Variants in DDX24 observed in about 807,000 individuals in gnomAD.
DDX24 encodes DEAD-box helicase 24.
DDX24 carries 24 observed loss-of-function variants against 68.9 expected under a neutral mutation model. The ratio of observed to expected loss-of-function variants is 0.35; its 90% CI spans 0.25 to 0.49. The LOEUF is 0.49. Among genes scored for constraint, DDX24 ranks in the 20% least tolerant of loss-of-function variants. The pLI is 0.99. For missense variants in DDX24, 989 were observed against 1,039.0 expected (o/e 0.95, Z 0.66); for synonymous variants, 395 against 385.2 (o/e 1.03, Z -0.30).
chr14:94,079,385 C>A lies in DDX24; in HGVS notation c.358G>T (p.Val120Leu). 6.2e-7 allele frequency: 1 copy of A among 1,614,036 alleles called. No homozygotes were observed. The highest frequency in any genetic ancestry group is 8.5e-7 in the Non-Finnish European group (1 of 1,180,016). ...TGGGCCTCCAGCTCAGGATCTTTCA[C>A]TTCAAATTCTTTCTGGGTACTGGTT... ...EGTSTQKEFE[V>L]KDPELEAQGD... The change falls in exon 2 of 9, where the codon GTG becomes TTG. Residue 120 changes from valine to leucine, a missense_variant. Physicochemically the swap from Val to Leu is conservative, Grantham distance 32 (BLOSUM62 1). Transcript: ENST00000621632.
In DDX24 at chr14:94,053,007, T is replaced by C. The variant is rs770239129; in HGVS notation, c.2299A>G (p.Met767Val). ...CCGCCCAAGGGCTTACCCTTATACA[T>C]GTCTTCTTCCAGCTCAATCTCCAGG... ...AALEIELEEDMYKGGKADQQE... is the reference protein window; with the variant it reads ...AALEIELEEDVYKGGKADQQE... Residue 767 changes from methionine (M) to valine (V), a missense_variant, in exon 8 of 9, where the codon ATG (methionine) becomes GTG (valine). Transcript: ENST00000621632. The C allele has an allele frequency of 8.7e-6, 14 of 1,613,798 alleles. No homozygotes were observed. The East Asian group carries it at 3.1e-4, about 36-fold the overall frequency.
intron 8 of DDX24, among the ~76,000 whole-genome samples, chr14:94,052,715 A>G (rs1264320045): frequency 1.3e-5 from 2 of 152,226 alleles, no homozygotes; most frequent in African/African-American, 4.8e-5. Flanking sequence ...ATGAGCCGGC[A>G]TTCTAACACA....
At chr14:94,064,575 T>C (rs1885660995) in intron 2 of DDX24, among the ~76,000 whole-genome samples, 1 of 152,052 alleles carries the variant, frequency 6.6e-6, no homozygotes. Flanking sequence ...CTCCACAAAA[T>C]CTCTAAACGA....
intron 2 of DDX24, among the ~76,000 whole-genome samples, chr14:94,070,762 G>A (rs1407805342): frequency 6.6e-6 from 1 of 152,192 alleles, no homozygotes; most frequent in East Asian, 1.9e-4. Context: ...AGTGGGGAAA[G>A]GACATTGTTT....
intron 2 of DDX24, among the ~76,000 whole-genome samples, chr14:94,067,663 G>C (rs1885731278): frequency 6.6e-6 from 1 of 152,152 alleles, no homozygotes; most frequent in African/African-American, 2.4e-5. Context: ...AAGCTAGAAG[G>C]GACTGGGGCC....
In DDX24 at chr14:94,079,446, G is replaced by T. The variant is rs779934993; in HGVS notation, c.297C>A (p.Ile99=). The change falls in exon 2 of 9, where the codon ATC becomes ATA. Residue 99 remains isoleucine (I), a synonymous_variant. Coordinates refer to ENST00000621632, the MANE Select transcript of DDX24 (RefSeq NM_020414.4). The part of the protein sequence containing the change: ...EGKSSSPKKK[I]KLKKSKNVAT... ...CTACATTTTTACTTTTCTTCAACTT[G>T]ATCTTTTTCTTTGGTGAGCTAGACT... 54 of 1,613,858 alleles carry T rather than the reference G, an allele frequency of 3.3e-5. No individual in the cohort carries two copies. Among genetic ancestry groups the T allele is most frequent in the South Asian group, 7.7e-5 (7 of 91,068 alleles).
At chr14:94,070,735 A>T (rs1193998828) in intron 2 of DDX24, among the ~76,000 whole-genome samples, 1 of 152,228 alleles carries the variant, frequency 6.6e-6, no homozygotes, top group African/African-American at 2.4e-5. Flanking sequence ...TCTTCAACAA[A>T]GCAAACAAAA....
intron 2 of DDX24, among the ~76,000 whole-genome samples, chr14:94,063,571 T>A (rs776154215): frequency 6.6e-6 from 1 of 152,152 alleles, no homozygotes; most frequent in Admixed American, 6.5e-5. Flanking sequence ...AAAATGAAAA[T>A]CTGGATGTAC....
At chr14:94,063,546 T>G (rs1885638667) in intron 2 of DDX24, among the ~76,000 whole-genome samples, 1 of 152,204 alleles carries the variant, frequency 6.6e-6, no homozygotes, top group Non-Finnish European at 1.5e-5. Context: ...TTTCATGCAA[T>G]AGCAAAGATA....
At chr14:94,066,089 G>A (rs1454762420) in intron 2 of DDX24, among the ~76,000 whole-genome samples, 1 of 152,162 alleles carries the variant, frequency 6.6e-6, no homozygotes, top group Non-Finnish European at 1.5e-5. Context: ...TTTCAGAGCT[G>A]GGAAGCAGAT....
intron 7 of DDX24, 111 bp downstream of exon 7, chr14:94,054,885 G>T: frequency 8.0e-7 from 1 of 1,245,044 alleles, no homozygotes. Flanking sequence ...GCTGTTGGCA[G>T]AACCATTCCT....
chr14:94,064,739 A>G (rs1276983694), intron 2 of DDX24, among the ~76,000 whole-genome samples: 2 of 152,248 alleles, frequency 1.3e-5, no homozygotes, highest in African/African-American at 2.4e-5. Context: ...AAATTGTTAA[A>G]TACAAGTAAA....
chr14:94,067,532 A>G (rs1485515238), intron 2 of DDX24, among the ~76,000 whole-genome samples: 3 of 152,216 alleles, frequency 2.0e-5, no homozygotes. Flanking sequence ...GCACACTGTC[A>G]TTAGGTTATA....
chr14:94,062,519 G>A lies in DDX24; in HGVS notation c.821C>T (p.Pro274Leu). 6.2e-7 allele frequency: 1 copy of A among 1,614,158 alleles called. No individual in the cohort carries two copies. The highest frequency in any genetic ancestry group is 8.5e-7 in the Non-Finnish European group (1 of 1,180,038). Residue 274 changes from proline to leucine, a missense_variant, in exon 3 of 9, where the codon CCT becomes CTT. Pro to Leu is a moderately conservative substitution (Grantham distance 98, BLOSUM62 -3). Transcript: ENST00000621632. ...APPPSNTEAP[P>L]GETRTEAGAE... The stretch of plus-strand genomic sequence containing the variant: ...TCCGGCCTCAGTTCTGGTCTCTCCA[G>A]GTGGTGCTTCGGTGTTACTTGGAGG...
intron 2 of DDX24, among the ~76,000 whole-genome samples, chr14:94,069,932 C>T (rs1372001915): frequency 6.6e-6 from 1 of 151,864 alleles, no homozygotes; most frequent in Admixed American, 6.5e-5. Context: ...GAAAGCATTC[C>T]CTCTGAGAAC....
chr14:94,062,490 C>T lies in DDX24; in HGVS notation c.850G>A (p.Glu284Lys), dbSNP rs61737407. The change falls in exon 3 of 9, where the codon GAG (glutamate) becomes AAG (lysine). Residue 284 changes from glutamate (E) to lysine (K), a missense_variant. Glu to Lys is a moderately conservative substitution (Grantham distance 56). Around this residue, in one of 3 missense-constraint regions of DDX24, gnomAD observed 691 missense variants for 760.0 expected, o/e 0.91. Coordinates refer to ENST00000621632, the MANE Select transcript of DDX24 (RefSeq NM_020414.4). Reference protein sequence around the residue: ...PGETRTEAGAETRSPGKAEAE... With the variant: ...PGETRTEAGAKTRSPGKAEAE... Reference sequence around the variant, plus strand: ...TCAGCCTTGCCTGGTGATCTAGTCTCAGCTCCGGCCTCAGTTCTGGTCTCT... The same window carrying T: ...TCAGCCTTGCCTGGTGATCTAGTCTTAGCTCCGGCCTCAGTTCTGGTCTCT... 4.1e-4 allele frequency: 661 copies of T among 1,614,146 alleles called. 2 individuals are homozygous for T. In the African/African-American group the frequency reaches 7.7e-3, roughly 19 times the overall value.
At chr14:94,073,493 T>C (rs888189116) in intron 2 of DDX24, among the ~76,000 whole-genome samples, 1 of 152,080 alleles carries the variant, frequency 6.6e-6, no homozygotes, top group Non-Finnish European at 1.5e-5. Flanking sequence ...AGTAATAGTA[T>C]TGAAAAACAC....
chr14:94,079,262 T>C lies in DDX24; in HGVS notation c.481A>G (p.Lys161Glu), dbSNP rs371105431. The C allele has an allele frequency of 2.3e-4, 367 of 1,614,030 alleles. No individual in the cohort carries two copies. Among genetic ancestry groups the C allele is most frequent in the Non-Finnish European group, 3.1e-4 (360 of 1,180,034 alleles). ...APKKKKNKGK[K>E]GLEPSQSTAA... Reference sequence around the variant, plus strand: ...GTGCTCTGAGAAGGCTCCAACCCTTTTTTCCCTTTATTTTTCTTCTTTTTT... The same window carrying C: ...GTGCTCTGAGAAGGCTCCAACCCTTCTTTCCCTTTATTTTTCTTCTTTTTT... Residue 161 changes from lysine (K) to glutamate (E), a missense_variant, in exon 2 of 9, where the codon AAA becomes GAA. Lys to Glu is a moderately conservative substitution (Grantham distance 56, BLOSUM62 1). This residue lies in a region of DDX24 where 295 missense variants were observed against 263.0 expected (regional missense o/e 1.12). Transcript: ENST00000621632.
intron 2 of DDX24, among the ~76,000 whole-genome samples, chr14:94,077,480 C>A (rs1595381287): frequency 6.6e-6 from 1 of 152,218 alleles, no homozygotes; most frequent in East Asian, 1.9e-4. Context: ...ACACACAGAA[C>A]TAGCCTGGAA....
Sources: gnomAD v4.1 joint callset for allele counts (sites outside exome capture counted in the v4.1 genomes callset) on GRCh38, gnomAD v4.1.1 for gene constraint, gnomAD v4.1.1 regional missense constraint, MANE v1.5 for transcripts, NCBI Gene and HGNC (gene_info 2026-07-23, HGNC 2026-07-21) for gene names.